TSPAN11: variants seen among roughly 807,000 people sequenced by gnomAD.
The protein encoded by TSPAN11 is tetraspanin-11.
Under a neutral mutation model 32.9 loss-of-function variants are expected in TSPAN11, and 29 were observed. The ratio of observed to expected loss-of-function variants is 0.88; its 90% CI spans 0.66 to 1.20. TSPAN11 has a LOEUF of 1.20. Ranked by LOEUF, TSPAN11 falls within the 50% of genes most tolerant of loss-of-function variation. The pLI is 0.00. For missense variants in TSPAN11, 283 were observed against 329.1 expected, an observed-to-expected ratio of 0.86 and a Z score of 1.08; for synonymous variants, 140 against 141.3, an observed-to-expected ratio of 0.99 and a Z score of 0.07.
chr12:30,932,374 A>C (rs1937950123), intron 1 of TSPAN11, among the ~76,000 whole-genome samples: 1 of 152,190 alleles, frequency 6.6e-6, no homozygotes. Flanking sequence ...TCACCAAACT[A>C]CACAATTCCG....
At chr12:31,010,753 G>A in the TSPAN11 span, among the ~76,000 whole-genome samples, 6 of 152,256 alleles carry the variant, frequency 3.9e-5, no homozygotes, top group South Asian at 1.0e-3. Context: ...CCATGATTAT[G>A]CCAATGCACT....
At chr12:30,991,152 C>A (rs754870612) in intron 7 of TSPAN11, among the ~76,000 whole-genome samples, 2 of 152,160 alleles carry the variant, frequency 1.3e-5, no homozygotes, top group Non-Finnish European at 1.5e-5. Context: ...CTGTGGATAC[C>A]GACAGAAGGG....
intron 7 of TSPAN11, among the ~76,000 whole-genome samples, chr12:30,990,276 G>A (rs1939285937): frequency 6.6e-6 from 1 of 152,296 alleles, no homozygotes; most frequent in Middle Eastern, 3.4e-3. Context: ...CCTGTCTGCT[G>A]GGGAGTGTGG....
chr12:30,978,353 C>T (rs1565801677), intron 3 of TSPAN11: 2 of 601,858 alleles, frequency 3.3e-6, no homozygotes, highest in South Asian at 4.0e-5. Context: ...GGGTACATGC[C>T]GTACTGAATT....
chr12:30,981,159 G>A (rs762385584), intron 5 of TSPAN11, among the ~76,000 whole-genome samples: 15 of 152,224 alleles, frequency 9.9e-5, no homozygotes, highest in Non-Finnish European at 2.2e-4. Context: ...GTCTGTGCAT[G>A]TGGACACGGC....
chr12:31,000,361 C>T (rs1201655958), downstream of TSPAN11, among the ~76,000 whole-genome samples: 3 of 152,204 alleles, frequency 2.0e-5, no homozygotes, highest in African/African-American at 4.8e-5. Flanking sequence ...CGGCTTTCAG[C>T]CTGGAGGATG....
intron 7 of TSPAN11, among the ~76,000 whole-genome samples, chr12:30,986,147 T>A (rs1327585807): frequency 6.6e-6 from 1 of 152,186 alleles, no homozygotes; most frequent in Admixed American, 6.5e-5. Context: ...TTATCTCCCC[T>A]ACATACCCAG....
intron 1 of TSPAN11, among the ~76,000 whole-genome samples, chr12:30,937,035 G>A (rs1284065291): frequency 2.6e-5 from 4 of 152,334 alleles, no homozygotes; most frequent in Admixed American, 1.3e-4. Flanking sequence ...TACAATGAGA[G>A]TGGTAACATG....
intron 7 of TSPAN11, among the ~76,000 whole-genome samples, chr12:30,984,552 CTTT>C (rs55772956): frequency 0.027 from 1,874 of 68,394 alleles, 24 homozygotes; most frequent in African/African-American, 0.1. Flanking sequence ...TCGCTTTTTG[CTTT>C]TTTTTTTTTT....
the TSPAN11 span, among the ~76,000 whole-genome samples, chr12:31,012,170 C>T: frequency 1.3e-5 from 2 of 152,262 alleles, no homozygotes; most frequent in African/African-American, 4.8e-5. Context: ...CAGCCACGTG[C>T]CTTGCTCCTC....
At chr12:30,991,778 C>A in intron 7 of TSPAN11, 78 bp from the exon 8 acceptor site, 1 of 1,525,320 alleles carries the variant, frequency 6.6e-7, no homozygotes, top group Non-Finnish European at 9.1e-7. Context: ...GTGAGCAGCA[C>A]TGCTCCAGGG....
At chr12:30,937,684 T>C (rs1457787739) in intron 1 of TSPAN11, among the ~76,000 whole-genome samples, 1 of 152,208 alleles carries the variant, frequency 6.6e-6, no homozygotes, top group Non-Finnish European at 1.5e-5. Flanking sequence ...GTGCGTGGTC[T>C]CAAAGTGTGG....
chr12:31,012,096 G>A, the TSPAN11 span, among the ~76,000 whole-genome samples: 1 of 152,252 alleles, frequency 6.6e-6, no homozygotes, highest in Admixed American at 6.5e-5. Context: ...GAAGCTGGCG[G>A]GACAGACAGA....
At chr12:30,940,042 T>A (rs911544599) in intron 1 of TSPAN11, among the ~76,000 whole-genome samples, 1 of 152,234 alleles carries the variant, frequency 6.6e-6, no homozygotes, top group Non-Finnish European at 1.5e-5. Context: ...GGGAAATCCC[T>A]GGGCTGGCTT....
At chr12:30,962,540 C>T (rs1030579372) in intron 2 of TSPAN11, among the ~76,000 whole-genome samples, 2 of 152,202 alleles carry the variant, frequency 1.3e-5, no homozygotes, top group African/African-American at 4.8e-5. Flanking sequence ...ATGGTAAATA[C>T]ATGTTCGTTT....
intron 7 of TSPAN11, among the ~76,000 whole-genome samples, chr12:30,985,651 A>G (rs1565804575): frequency 6.6e-6 from 1 of 152,188 alleles, no homozygotes; most frequent in African/African-American, 2.4e-5. Flanking sequence ...GTATGGACAC[A>G]GACCAGGCCT....
At chr12:30,964,240 C>T (rs1938680952) in intron 3 of TSPAN11, among the ~76,000 whole-genome samples, 1 of 152,106 alleles carries the variant, frequency 6.6e-6, no homozygotes, top group African/African-American at 2.4e-5. Flanking sequence ...GCTCCTTCTC[C>T]GTATCTCCAT....
rs377591778 is a variant in TSPAN11 at position 30,995,338 on chromosome 12, G to A, written c.*3423G>A. 6.6e-6 allele frequency: 1 copy of A among 152,280 alleles called. No homozygotes were observed. Among genetic ancestry groups the A allele is most frequent in the East Asian group, 1.9e-4 (1 of 5,180 alleles). The allele number at this position is 152,280 out of a possible 1,614,324, so 9.4% of individuals were successfully genotyped here. A position where few individuals can be genotyped will look rare whatever the true frequency, so the allele number is the denominator to read the frequency against. The stretch of plus-strand genomic sequence containing the variant: ...GTTGTGTTGACCACCTCCCCTTCAG[G>A]TGAGGCCCTTTTCTGCCTTCTTTCT... On this transcript the variant is annotated 3_prime_UTR_variant, in exon 8 of 8. Coordinates refer to ENST00000546076, the MANE Select transcript of TSPAN11 (RefSeq NM_001370302.1).
chr12:30,952,640 A>C (rs1293945998), intron 1 of TSPAN11, among the ~76,000 whole-genome samples: 3 of 152,126 alleles, frequency 2.0e-5, no homozygotes, highest in Admixed American at 2.0e-4. Context: ...GGGCGTGGTC[A>C]CGCACCAGCC....
Sources: gnomAD v4.1 joint callset for allele counts (sites outside exome capture counted in the v4.1 genomes callset) on GRCh38, gnomAD v4.1.1 for gene constraint, MANE v1.5 for transcripts, NCBI Gene and HGNC (gene_info 2026-07-23, HGNC 2026-07-21) for gene names.